VPS11: variants seen among roughly 807,000 people sequenced by gnomAD.
VPS11 encodes the protein VPS11 core subunit of CORVET and HOPS complexes.
VPS11 carries 51 observed loss-of-function variants against 106.8 expected under a neutral mutation model. That is an observed-to-expected ratio of 0.48 (90% CI 0.38 to 0.60). The LOEUF (loss-of-function observed/expected upper bound fraction) is 0.60. Among genes scored for constraint, VPS11 ranks in the 20% least tolerant of loss-of-function variants. VPS11 has a pLI of 0.00. For synonymous variants in VPS11, 453 were observed against 458.7 expected (o/e 0.99, Z 0.16); for missense variants, 950 against 1,190.0 (o/e 0.80, Z 2.97).
In VPS11 at chr11:119,081,573, G is replaced by T; in HGVS notation, c.2776G>T (p.Glu926Ter). ...PPTARLTSSL[E>*]AGLQRDLLMH... The stretch of plus-strand genomic sequence containing the variant: ...CACAGCCAGACTGACCTCCAGCCTG[G>T]AGGCTGGGCTGCAACGCGACCTACT... The change falls in exon 16 of 16, where the codon GAG (glutamate) becomes TAG (stop). Residue 926 changes from glutamate (E) to a stop codon, truncating the protein, a stop_gained. Transcript: ENST00000621676. LOFTEE classifies it high-confidence loss of function. 1 of 1,613,990 alleles carries T rather than the reference G, an allele frequency of 6.2e-7. No individual in the cohort carries two copies. Among genetic ancestry groups the T allele is most frequent in the Non-Finnish European group, 8.5e-7 (1 of 1,179,898 alleles).
In VPS11 at chr11:119,077,983, A is replaced by G. The variant is rs1189132723; in HGVS notation, c.1678A>G (p.Thr560Ala). ...CCTCATGCACCACATACCAGAGCAG[A>G]CAACTCAGTTGCTGAAGGGACTTTG... ...KILMHHIPEQ[T>A]TQLLKGLCTD... Residue 560 changes from threonine to alanine, a missense_variant, in exon 10 of 16, where the codon ACA (threonine) becomes GCA (alanine). Around this residue, in one of 3 missense-constraint regions of VPS11, gnomAD observed 453 missense variants for 514.6 expected, o/e 0.88. Transcript: ENST00000621676. 2 of 1,613,958 alleles carry G rather than the reference A, an allele frequency of 1.2e-6. No individual in the cohort carries two copies. Among genetic ancestry groups the G allele is most frequent in the Non-Finnish European group, 1.7e-6 (2 of 1,179,904 alleles).
chr11:119,073,808 TA>T lies in VPS11; in HGVS notation c.1097del (p.Lys366ArgfsTer58). ...DTQTKLEMLF[K>X]KNLFEMAINL... Reference sequence around the variant, plus strand: ...TCTCTCTTCCCTTCTAGATGCTGTTTAAGAAGAACCTATTTGAGATGGCGAT... The same window carrying T: ...TCTCTCTTCCCTTCTAGATGCTGTTTAGAAGAACCTATTTGAGATGGCGAT... On this transcript the variant is annotated frameshift_variant, in exon 7 of 16. Transcript: ENST00000621676. LOFTEE classifies it high-confidence loss of function. 6.2e-7 allele frequency: 1 copy of T among 1,609,676 alleles called. No individual in the cohort carries two copies.
At chr11:119,071,969 C>A in intron 5 of VPS11, 126 bp downstream of exon 5, 9 of 1,291,760 alleles carry the variant, frequency 7.0e-6, no homozygotes, top group Non-Finnish European at 9.4e-6. Context: ...ATGTAGGTAA[C>A]ATTTCTGTTT....
intron 3 of VPS11, 35 bp downstream of exon 3, chr11:119,069,612 G>C (rs1945290999): frequency 6.2e-7 from 1 of 1,613,550 alleles, no homozygotes; most frequent in Non-Finnish European, 8.5e-7. Flanking sequence ...TCCTAGATTT[G>C]TTATAGATTT....
chr11:119,070,516 G>A (rs1253389172), intron 4 of VPS11, 119 bp downstream of exon 4: 71 of 1,128,744 alleles, frequency 6.3e-5, no homozygotes, highest in African/African-American at 2.0e-4. Context: ...CATATAATTC[G>A]AATCATTTGC....
chr11:119,081,440 C>A lies in VPS11; in HGVS notation c.2662-19C>A. On this transcript the variant is annotated intron_variant, in intron 15 of 15. Transcript: ENST00000621676. ...ACTTTGATTCTGATTCGTATTCCTT[C>A]CCTCCTCTTCTCCTGCAGCTCAAGT... 1 of 1,613,932 alleles carries A rather than the reference C, an allele frequency of 6.2e-7. No individual in the cohort carries two copies. The highest frequency in any genetic ancestry group is 8.5e-7 in the Non-Finnish European group (1 of 1,179,834).
chr11:119,078,330 C>G lies in VPS11; in HGVS notation c.1919C>G (p.Pro640Arg), dbSNP rs782542864. 8 of 1,610,002 alleles carry G rather than the reference C, an allele frequency of 5.0e-6. No individual in the cohort carries two copies. The Admixed American group carries it at 1.3e-4, about 27-fold the overall frequency. ...CAGAACTGGGCCCACGAGAAGGATC[C>G]ACAGGTGAGGCCTGGCCAGGGCTTC... ...RLQNWAHEKD[P>R]QVKEKLHAEA... Residue 640 changes from proline (P) to arginine (R), a missense_variant, in exon 11 of 16, where the codon CCA becomes CGA. This residue lies in a region of VPS11 where 453 missense variants were observed against 514.6 expected (regional missense o/e 0.88). Transcript: ENST00000621676.
intron 3 of VPS11, 111 bp downstream of exon 3, chr11:119,069,688 G>A: frequency 6.8e-7 from 1 of 1,467,504 alleles, no homozygotes; most frequent in South Asian, 1.2e-5. Context: ...CTGAACTGAG[G>A]CCTTTGCGAT....
chr11:119,078,959 A>G lies in VPS11; in HGVS notation c.2228A>G (p.Lys743Arg). 6.2e-7 allele frequency: 1 copy of G among 1,614,058 alleles called. No individual in the cohort carries two copies. The highest frequency in any genetic ancestry group is 8.5e-7 in the Non-Finnish European group (1 of 1,179,900). Residue 743 changes from lysine to arginine, a missense_variant, in exon 13 of 16, where the codon AAG becomes AGG. Physicochemically the swap from Lys to Arg is conservative, Grantham distance 26. Coordinates refer to ENST00000621676, the MANE Select transcript of VPS11 (RefSeq NM_021729.6). The part of the protein sequence containing the change: ...DCKEYVAAVL[K>R]HIENKNLMPP... The stretch of plus-strand genomic sequence containing the variant: ...AAGGAGTATGTGGCAGCTGTCCTCA[A>G]GCATATCGAGAACAAGAACCTCATG...
chr11:119,076,962 A>G lies in VPS11; in HGVS notation c.1304A>G (p.Asn435Ser). 6.2e-7 allele frequency: 1 copy of G among 1,613,998 alleles called. No individual in the cohort carries two copies. Among genetic ancestry groups the G allele is most frequent in the Non-Finnish European group, 8.5e-7 (1 of 1,179,890 alleles). ...TTTCTGGATGCCCAGCGCATTCACA[A>G]CCTGACTGCCTACCTGCAGACCCTG... ...RKFLDAQRIH[N>S]LTAYLQTLHR... is the part of the protein sequence containing the mutation. Residue 435 changes from asparagine to serine, a missense_variant, in exon 8 of 16, where the codon AAC (asparagine) becomes AGC (serine). By Grantham distance (46) the Asn-to-Ser change is conservative. Transcript: ENST00000621676.
In VPS11 at chr11:119,078,622, G is replaced by A. The variant is rs782668571; in HGVS notation, c.1981G>A (p.Asp661Asn). Residue 661 changes from aspartate to asparagine, a missense_variant, in exon 12 of 16, where the codon GAC becomes AAC. Physicochemically the swap from Asp to Asn is conservative, Grantham distance 23. This residue lies in a region of VPS11 where 453 missense variants were observed against 514.6 expected (regional missense o/e 0.88). Coordinates refer to ENST00000621676, the MANE Select transcript of VPS11 (RefSeq NM_021729.6). ...CCTGCTGAAGAGTGGTCGCTTCTGC[G>A]ACGTCTTTGACAAGGCCCTGGTCCT... is the stretch of plus-strand genomic sequence containing the variant. Reference protein sequence around the residue: ...ISLLKSGRFCDVFDKALVLCQ... With the variant: ...ISLLKSGRFCNVFDKALVLCQ... The A allele has an allele frequency of 1.9e-6, 3 of 1,613,710 alleles. No individual in the cohort carries two copies. Among genetic ancestry groups the A allele is most frequent in the East Asian group, 2.2e-5 (1 of 44,882 alleles).
At chr11:119,077,182 A>AGG (rs1422580668) in intron 8 of VPS11, 99 bp downstream of exon 8, 11 of 1,416,460 alleles carry the variant, frequency 7.8e-6, no homozygotes, top group Non-Finnish European at 1.1e-5. Context: ...GGGAGAGGAA[A>AGG]GGGCTGACCT....
In VPS11 at chr11:119,073,532, G is replaced by A. The variant is rs574958346; in HGVS notation, c.1086+133G>A. 558 of 1,188,098 alleles carry A rather than the reference G, an allele frequency of 4.7e-4. 3 individuals carry two copies. Among genetic ancestry groups the A allele is most frequent in the South Asian group, 4.3e-3 (277 of 63,910 alleles). 73.6% of individuals were successfully genotyped at this position (1,188,098 alleles called of 1,614,324 possible). ...GCCTTACTCAGCTTCCTTAGGGTAG[G>A]ATTATAAGGTAAATGGCCTGGGATG... On this transcript the variant is annotated intron_variant, in intron 6 of 15. Coordinates refer to ENST00000621676, the MANE Select transcript of VPS11 (RefSeq NM_021729.6).
intron 7 of VPS11, among the ~76,000 whole-genome samples, chr11:119,076,484 C>T (rs1945625323): frequency 6.6e-6 from 1 of 151,512 alleles, no homozygotes; most frequent in Non-Finnish European, 1.5e-5. Context: ...TGAGATCGTG[C>T]CACTGCACTC....
intron 4 of VPS11, chr11:119,070,879 T>A (rs1241011902): frequency 6.6e-6 from 1 of 152,300 alleles, no homozygotes; most frequent in Non-Finnish European, 1.5e-5. Flanking sequence ...GTGCTGAGAT[T>A]ACAGGCGTGA....
intron 13 of VPS11, 23 bp downstream of exon 13, chr11:119,079,020 G>A (rs782052497): frequency 1.2e-6 from 2 of 1,613,362 alleles, no homozygotes; most frequent in East Asian, 2.2e-5. Flanking sequence ...ACAGATGGGT[G>A]GGTGACAAGC....
At chr11:119,078,131 G>A (rs782734510) in intron 10 of VPS11, 42 bp from the exon 11 acceptor site, 15 of 1,609,926 alleles carry the variant, frequency 9.3e-6, no homozygotes, top group South Asian at 6.6e-5. Context: ...TGTATATCAC[G>A]CCCACTCATT....
At chr11:119,077,390 A>T (rs1945663865) in intron 8 of VPS11, 111 bp from the exon 9 acceptor site, 4 of 1,410,004 alleles carry the variant, frequency 2.8e-6, no homozygotes, top group Non-Finnish European at 3.8e-6. Context: ...AATATTTTCA[A>T]AGTGTGAACG....
intron 3 of VPS11, 50 bp from the exon 4 acceptor site, chr11:119,070,184 C>T: frequency 1.3e-6 from 2 of 1,555,138 alleles, no homozygotes; most frequent in East Asian, 2.3e-5. Flanking sequence ...CCCCTCTCCA[C>T]TTCCTGATCT....
Sources: gnomAD v4.1 joint callset for allele counts (sites outside exome capture counted in the v4.1 genomes callset) on GRCh38, gnomAD v4.1.1 for gene constraint, gnomAD v4.1.1 regional missense constraint, MANE v1.5 for transcripts, NCBI Gene and HGNC (gene_info 2026-07-23, HGNC 2026-07-21) for gene names.